The following PLD3 variants were observed in gnomAD, a reference collection of about 807,000 sequenced individuals.
The protein encoded by PLD3 is 5'-3' exonuclease PLD3.
PLD3 carries 31 observed loss-of-function variants against 58.4 expected under a neutral mutation model. The ratio of observed to expected loss-of-function variants is 0.53; its 90% CI spans 0.40 to 0.72. PLD3 has a LOEUF of 0.72. Ranked by LOEUF, PLD3 falls within the 30% of genes least tolerant of loss-of-function variation. The pLI is 0.00. For missense variants in PLD3, 595 were observed against 659.8 expected (o/e 0.90, Z 1.08); for synonymous variants, 264 against 273.4 (o/e 0.97, Z 0.34).
chr19:40,365,402 C>G (rs1196961066), intron 1 of PLD3, among the ~76,000 whole-genome samples: 1 of 152,208 alleles, frequency 6.6e-6, no homozygotes, highest in Non-Finnish European at 1.5e-5. Context: ...AATTCACCAT[C>G]TCCTCTGACC....
rs1188170799 is a variant in PLD3, at chr19:40,377,389, T to G, written c.1186-397T>G. Among the ~76,000 whole-genome samples the G allele has an allele frequency of 5.3e-5, 2 of 37,850 alleles. 1 individual carries two copies. Among genetic ancestry groups the G allele is most frequent in the South Asian group, 1.8e-3 (2 of 1,136 alleles). The allele number at this position is 37,850 out of a possible 152,430, so 24.8% of individuals were successfully genotyped here. A position where few individuals can be genotyped will look rare whatever the true frequency, so the allele number is the denominator to read the frequency against. On this transcript the variant is annotated intron_variant, in intron 11 of 12. Transcript: ENST00000409735. Reference sequence around the variant, plus strand: ...GGGGCACAGGCAGAGGGGTCAGGGCTGGGATGGAGGAGGCCCAGGCAGAGG... The same window carrying G: ...GGGGCACAGGCAGAGGGGTCAGGGCGGGGATGGAGGAGGCCCAGGCAGAGG...
At chr19:40,356,495 C>G (rs766722899) in intron 1 of PLD3, 2 of 152,244 alleles carry the variant, frequency 1.3e-5, no homozygotes, top group Admixed American at 1.3e-4. Flanking sequence ...AGGACCAAGT[C>G]GACAAATGGT....
In PLD3 at chr19:40,348,709, G is replaced by A. The variant is rs1369668704; in HGVS notation, c.-338G>A. 4 of 598,332 alleles carry A rather than the reference G, an allele frequency of 6.7e-6. No homozygotes were observed. The highest frequency in any genetic ancestry group is 4.4e-5 in the Admixed American group (1 of 22,660). The allele number at this position is 598,332 out of a possible 1,614,324, so 37.1% of individuals were successfully genotyped here. ...GCGGCTAGGAGGGGCCGTCAGGCGGGGATACAGCCTGGAAGGTGCGTGTGG... is the reference window on the plus strand; with the variant it reads ...GCGGCTAGGAGGGGCCGTCAGGCGGAGATACAGCCTGGAAGGTGCGTGTGG... On this transcript the variant is annotated 5_prime_UTR_variant, in exon 1 of 13. Coordinates refer to ENST00000409735, the MANE Select transcript of PLD3 (RefSeq NM_012268.4).
chr19:40,369,380 A>AAAC, intron 6 of PLD3, among the ~76,000 whole-genome samples: 1 of 152,158 alleles, frequency 6.6e-6, no homozygotes, highest in South Asian at 2.1e-4. Context: ...AACAAACAAA[A>AAAC]AAACAAAAAC....
Position 40,355,606 on chromosome 19 carries a change from C to T in PLD3, c.-279+6838C>T, listed in dbSNP as rs538566405. ...GGATTACAGGTGTGAGCCACCGTGC[C>T]GGCTCCTTTTTTTTTTTTTTTTTTT... On this transcript the variant is annotated intron_variant, in intron 1 of 12. Coordinates refer to ENST00000409735, the MANE Select transcript of PLD3 (RefSeq NM_012268.4). 1.2e-4 allele frequency among the ~76,000 whole-genome samples: 17 copies of T among 141,142 alleles called. No homozygotes were observed. The East Asian group carries it at 2.7e-3, about 23-fold the overall frequency. The allele number at this position is 141,142 out of a possible 152,430, so 92.6% of individuals were successfully genotyped here.
intron 1 of PLD3, among the ~76,000 whole-genome samples, chr19:40,353,328 G>A (rs1481107901): frequency 2.0e-5 from 3 of 152,068 alleles, no homozygotes; most frequent in African/African-American, 7.2e-5. Context: ...TACTCAGGAG[G>A]TTGAGACATG....
At chr19:40,365,258 C>T (rs2078888951) in intron 1 of PLD3, among the ~76,000 whole-genome samples, 1 of 152,128 alleles carries the variant, frequency 6.6e-6, no homozygotes, top group Non-Finnish European at 1.5e-5. Flanking sequence ...TTTCTCCAGC[C>T]GGGGCCTTAA....
intron 1 of PLD3, among the ~76,000 whole-genome samples, chr19:40,349,122 C>T (rs1030935963): frequency 2.6e-5 from 4 of 152,066 alleles, no homozygotes; most frequent in Non-Finnish European, 1.5e-5. Context: ...AATTCGTCAT[C>T]GCCATATGTT....
intron 6 of PLD3, 65 bp from the exon 7 acceptor site, chr19:40,369,843 G>A (rs2079019445): frequency 1.4e-6 from 2 of 1,444,958 alleles, no homozygotes; most frequent in Non-Finnish European, 1.8e-6. Flanking sequence ...ACTCCACCGG[G>A]CATTACCTTG....
In PLD3 at chr19:40,369,934, G is replaced by A; in HGVS notation, c.456G>A (p.Gln152=). Residue 152 remains glutamine, a synonymous_variant, in exon 7 of 13, where the codon CAG becomes CAA. Transcript: ENST00000409735. ...QQGEEVLRQL[Q]TLAPKGVNVR... The stretch of plus-strand genomic sequence containing the variant: ...GTGAGGAGGTCCTCCGGCAGCTGCA[G>A]ACCCTGGCACCAAAGGGCGTGAACG... 6.4e-7 allele frequency: 1 copy of A among 1,561,824 alleles called. No individual in the cohort carries two copies. The highest frequency in any genetic ancestry group is 2.4e-5 in the East Asian group (1 of 41,912).
intron 8 of PLD3, 79 bp downstream of exon 8, chr19:40,370,316 A>G: frequency 6.8e-7 from 1 of 1,474,268 alleles, no homozygotes; most frequent in Non-Finnish European, 9.3e-7. Context: ...TGCATCCCTC[A>G]CTCAATCCAG....
chr19:40,357,526 C>T (rs951035796), intron 1 of PLD3: 2 of 152,178 alleles, frequency 1.3e-5, no homozygotes, highest in Non-Finnish European at 2.9e-5. Flanking sequence ...CAGCCTGAAT[C>T]TCAGGTTGAG....
intron 6 of PLD3, among the ~76,000 whole-genome samples, chr19:40,369,646 G>T (rs1175077940): frequency 1.3e-5 from 2 of 152,186 alleles, no homozygotes; most frequent in Non-Finnish European, 2.9e-5. Context: ...GCTGAATTTT[G>T]AGAAAGTCCC....
At position 40,371,825 on chromosome 19, in the gene PLD3, A is replaced by T. The variant is rs757832667; in HGVS notation, c.831A>T (p.Thr277=). ...ATGACACCCGCTACAACCAAGAGAC[A>T]CCAATGGAGATCTGCCTCAATGGAA... ...RFYDTRYNQE[T]PMEICLNGTP... The change falls in exon 9 of 13, where the codon ACA becomes ACT. Residue 277 remains threonine, a synonymous_variant. Coordinates refer to ENST00000409735, the MANE Select transcript of PLD3 (RefSeq NM_012268.4). The T allele has an allele frequency of 1.9e-6, 3 of 1,614,100 alleles. No homozygotes were observed. Among genetic ancestry groups the T allele is most frequent in the Non-Finnish European group, 1.7e-6 (2 of 1,180,020 alleles).
intron 1 of PLD3, among the ~76,000 whole-genome samples, chr19:40,361,444 A>T (rs1377947739): frequency 1.3e-5 from 2 of 152,100 alleles, no homozygotes; most frequent in Non-Finnish European, 2.9e-5. Context: ...TCTGAAGCAG[A>T]TCACATCATC....
At chr19:40,354,806 G>C (rs1271174725) in intron 1 of PLD3, among the ~76,000 whole-genome samples, 1 of 146,050 alleles carries the variant, frequency 6.8e-6, no homozygotes, top group East Asian at 2.0e-4. Flanking sequence ...GATTACAGGT[G>C]TGAGCCACCG....
At chr19:40,352,802 AAAAAT>A (rs1182044703) in intron 1 of PLD3, among the ~76,000 whole-genome samples, 1 of 152,020 alleles carries the variant, frequency 6.6e-6, no homozygotes, top group Non-Finnish European at 1.5e-5. Flanking sequence ...AACTCTACAA[AAAAAT>A]AAAAAACTAG....
At chr19:40,351,227 T>G (rs2078505872) in intron 1 of PLD3, among the ~76,000 whole-genome samples, 1 of 140,572 alleles carries the variant, frequency 7.1e-6, no homozygotes, top group Non-Finnish European at 1.6e-5. Flanking sequence ...GGAGACCCTG[T>G]CTCAAAACAA....
chr19:40,376,844 C>T, intron 11 of PLD3, 70 bp downstream of exon 11: 1 of 1,426,952 alleles, frequency 7.0e-7, no homozygotes, highest in Admixed American at 2.0e-5. Flanking sequence ...CCTCATGGGA[C>T]TCGTCTGTCA....
Sources: allele counts gnomAD v4.1 joint callset (sites outside exome capture counted in the v4.1 genomes callset), GRCh38; gene constraint gnomAD v4.1.1; transcripts MANE v1.5; gene names NCBI Gene and HGNC (gene_info 2026-07-23, HGNC 2026-07-21).